The following BRD4 variants were observed in gnomAD, a reference collection of about 807,000 sequenced individuals.
BRD4 encodes the protein bromodomain-containing protein 4.
A neutral mutation model predicts 142.1 loss-of-function variants in BRD4; 16 were observed. That is an observed-to-expected ratio of 0.11 (90% CI 0.08 to 0.17). The LOEUF (loss-of-function observed/expected upper bound fraction) is 0.17. Ranked by LOEUF, BRD4 falls within the 10% of genes least tolerant of loss-of-function variation. BRD4 has a pLI of 1.00. For synonymous variants in BRD4, 833 were observed against 707.5 expected, an observed-to-expected ratio of 1.18 and a Z score of -2.82; for missense variants, 1,424 against 1,810.9, an observed-to-expected ratio of 0.79 and a Z score of 3.88.
chr19:15,300,597 G>A (rs1416597985), intron 1 of BRD4, among the ~76,000 whole-genome samples: 1 of 151,650 alleles, frequency 6.6e-6, no homozygotes, highest in African/African-American at 2.4e-5. Context: ...CATGTGTGGG[G>A]TAGGGCAATC....
intron 1 of BRD4, among the ~76,000 whole-genome samples, chr19:15,312,982 G>C (rs972787651): frequency 2.0e-5 from 3 of 152,068 alleles, no homozygotes; most frequent in Non-Finnish European, 4.4e-5. Flanking sequence ...TGAGGTGAGA[G>C]GATAGCTTGA....
At chr19:15,306,997 C>T (rs970947434) in intron 1 of BRD4, among the ~76,000 whole-genome samples, 1 of 152,044 alleles carries the variant, frequency 6.6e-6, no homozygotes, top group East Asian at 1.9e-4. Context: ...ATAAAAAAAC[C>T]GCAATTATCT....
rs2047496439 is a variant in BRD4 at position 15,263,459 on chromosome 19, A to G, written c.1302T>C (p.Pro434=). 6.2e-7 allele frequency: 1 copy of G among 1,614,116 alleles called. No individual in the cohort carries two copies. Among genetic ancestry groups the G allele is most frequent in the Non-Finnish European group, 8.5e-7 (1 of 1,179,984 alleles). The change falls in exon 7 of 20, where the codon CCT becomes CCC. Residue 434 remains proline (P), a synonymous_variant. Coordinates refer to ENST00000679869, the MANE Select transcript of BRD4 (RefSeq NM_001379291.1). Reference sequence around the variant, plus strand: ...CCATGGCCACCACCTCATGGTCAGGAGGGTTGTACTTATAGCAGTTGGAGA... The same window carrying G: ...CCATGGCCACCACCTCATGGTCAGGGGGGTTGTACTTATAGCAGTTGGAGA... ...LMFSNCYKYN[P]PDHEVVAMAR...
chr19:15,254,996 G>T (rs369742825), intron 10 of BRD4, among the ~76,000 whole-genome samples: 1 of 152,130 alleles, frequency 6.6e-6, no homozygotes, highest in Non-Finnish European at 1.5e-5. Context: ...CAAAGAGGCC[G>T]GAGGAAGACT....
chr19:15,260,797 G>GTA (rs2047460945), intron 7 of BRD4, among the ~76,000 whole-genome samples: 1 of 94,466 alleles, frequency 1.1e-5, no homozygotes, highest in African/African-American at 4.4e-5. Flanking sequence ...GGAGAAAAAT[G>GTA]CAAAAAAAAA....
chr19:15,243,014 GCTGCTGGCCCT>G lies in BRD4; in HGVS notation c.3044_3054del (p.Gln1015ProfsTer74). ...TGCTGGCCTGGGGGCGGATGGGGGG[GCTGCTGGCCCT>G]GGGGTGGCGGGGGCTGTTGGATGTG... On this transcript the variant is annotated frameshift_variant, in exon 14 of 20. Coordinates refer to ENST00000679869, the MANE Select transcript of BRD4 (RefSeq NM_001379291.1). LOFTEE classifies it high-confidence loss of function. 6.8e-7 allele frequency: 1 copy of G among 1,476,038 alleles called. No homozygotes were observed. Among genetic ancestry groups the G allele is most frequent in the East Asian group, 2.4e-5 (1 of 40,980 alleles). The allele number at this position is 1,476,038 out of a possible 1,614,324, so 91.4% of individuals were successfully genotyped here.
intron 1 of BRD4, among the ~76,000 whole-genome samples, chr19:15,279,813 CTGAAGTCCTG>C (rs2047687768): frequency 6.6e-6 from 1 of 152,220 alleles, no homozygotes; most frequent in Non-Finnish European, 1.5e-5. Context: ...GCAGTTCTAC[CTGAAGTCCTG>C]GCCTCCCAGC....
At chr19:15,295,789 A>T (rs2047818015) in intron 1 of BRD4, among the ~76,000 whole-genome samples, 1 of 151,994 alleles carries the variant, frequency 6.6e-6, no homozygotes, top group Non-Finnish European at 1.5e-5. Context: ...TGGCCAACAT[A>T]GTGAAACTCT....
chr19:15,240,552 G>A (rs1423246692), intron 14 of BRD4, among the ~76,000 whole-genome samples: 2 of 152,128 alleles, frequency 1.3e-5, no homozygotes, highest in Non-Finnish European at 2.9e-5. Flanking sequence ...CAGCCTGCAC[G>A]CCCCCACGGA....
At chr19:15,307,745 T>C (rs1046186878) in intron 1 of BRD4, among the ~76,000 whole-genome samples, 2 of 152,066 alleles carry the variant, frequency 1.3e-5, no homozygotes, top group Non-Finnish European at 2.9e-5. Context: ...GCCAATCAGG[T>C]GGCCGCACTA....
chr19:15,276,315 A>G (rs1322696171), intron 1 of BRD4, among the ~76,000 whole-genome samples: 1 of 152,204 alleles, frequency 6.6e-6, no homozygotes, highest in Non-Finnish European at 1.5e-5. Flanking sequence ...TAAGGCCCAG[A>G]TTTGATATGA....
intron 7 of BRD4, among the ~76,000 whole-genome samples, chr19:15,262,105 G>A (rs2047477790): frequency 6.6e-6 from 1 of 152,154 alleles, no homozygotes; most frequent in African/African-American, 2.4e-5. Context: ...AGGTCCAGTG[G>A]GAGCAGGTAC....
intron 10 of BRD4, 48 bp downstream of exon 10, chr19:15,255,249 T>A: frequency 1.9e-6 from 3 of 1,562,882 alleles, no homozygotes; most frequent in Non-Finnish European, 2.6e-6. Flanking sequence ...AAAGTTACTC[T>A]GAGGGTGCCC....
chr19:15,252,378 G>A (rs1599445381), intron 11 of BRD4, among the ~76,000 whole-genome samples: 3 of 152,254 alleles, frequency 2.0e-5, no homozygotes, highest in Admixed American at 6.5e-5. Flanking sequence ...CAGATCCTCA[G>A]ATGAGAAGAC....
intron 1 of BRD4, among the ~76,000 whole-genome samples, chr19:15,283,636 G>GT (rs1334899896): frequency 1.3e-5 from 2 of 152,184 alleles, no homozygotes; most frequent in South Asian, 2.1e-4. Context: ...CCTGTTATGT[G>GT]TAAGTGGAAA....
rs1190159775 is a variant in BRD4 at position 15,273,063 on chromosome 19, T to G, written c.37A>C (p.Asn13His). ...AESGPGTRLR[N>H]LPVMGDGLET... ...AGTCCATCCCCCATTACTGGCAGAT[T>G]TCTCAATCTCGTCCCAGGGCCGCTC... Residue 13 changes from asparagine to histidine, a missense_variant, in exon 2 of 20, where the codon AAT becomes CAT. Coordinates refer to ENST00000679869, the MANE Select transcript of BRD4 (RefSeq NM_001379291.1). 6.2e-7 allele frequency: 1 copy of G among 1,609,834 alleles called. No homozygotes were observed. Among genetic ancestry groups the G allele is most frequent in the East Asian group, 2.2e-5 (1 of 44,790 alleles).
At chr19:15,263,292 T>C (rs2047494222) in intron 7 of BRD4, 128 bp downstream of exon 7, 15 of 1,255,364 alleles carry the variant, frequency 1.2e-5, no homozygotes, top group Non-Finnish European at 1.5e-5. Flanking sequence ...GGCACTTTTC[T>C]AAAGCAACAT....
At chr19:15,267,366 G>C in intron 4 of BRD4, 50 bp downstream of exon 4, 2 of 1,600,616 alleles carry the variant, frequency 1.2e-6, no homozygotes, top group South Asian at 2.2e-5. Flanking sequence ...CTTGGAAAAG[G>C]GACAAAGGTC....
chr19:15,244,204 C>A (rs1349967823), intron 13 of BRD4, 27 bp downstream of exon 13: 1 of 1,542,404 alleles, frequency 6.5e-7, no homozygotes, highest in Non-Finnish European at 8.7e-7. Flanking sequence ...GGGGTCTCAA[C>A]CCACACTGGG....
Sources: gnomAD v4.1 joint callset for allele counts (sites outside exome capture counted in the v4.1 genomes callset) on GRCh38, gnomAD v4.1.1 for gene constraint, MANE v1.5 for transcripts, NCBI Gene and HGNC (gene_info 2026-07-23, HGNC 2026-07-21) for gene names.